The following ARSB variants were observed in gnomAD, a reference collection of about 807,000 sequenced individuals.
ARSB encodes arylsulfatase B, also known as N-acetylgalactosamine-4-sulfatase.
In ARSB, 41 loss-of-function variants were observed where a neutral mutation model predicts 50.9. The observed-to-expected ratio is 0.81, with a 90% CI of 0.63 to 1.04. ARSB has a LOEUF of 1.04. Ranked by LOEUF, ARSB falls within the 50% of genes least tolerant of loss-of-function variation. ARSB has a pLI of 0.00. For synonymous variants in ARSB, 269 were observed against 284.8 expected, an observed-to-expected ratio of 0.94 and a Z score of 0.56; for missense variants, 672 against 693.3, an observed-to-expected ratio of 0.97 and a Z score of 0.35.
At chr5:78,964,721 T>C in intron 2 of ARSB, 115 bp from the exon 3 acceptor site, 2 of 974,314 alleles carry the variant, frequency 2.1e-6, no homozygotes, top group Non-Finnish European at 3.2e-6. Context: ...GCTAATCAAA[T>C]GACAAGGCTA....
chr5:78,885,924 A>G, intron 4 of ARSB, 97 bp from the exon 5 acceptor site: 1 of 1,578,420 alleles, frequency 6.3e-7, no homozygotes, highest in Non-Finnish European at 8.6e-7. Flanking sequence ...ATGGTGCTTA[A>G]ATAATAAAAA....
At chr5:78,815,494 C>T in intron 6 of ARSB, 1 of 961,826 alleles carries the variant, frequency 1.0e-6, no homozygotes, top group African/African-American at 1.8e-5. Context: ...GGCTGTGCCC[C>T]TGTGCAGTTA....
At chr5:78,811,861 C>A (rs1264490782) in intron 6 of ARSB, among the ~76,000 whole-genome samples, 2 of 152,048 alleles carry the variant, frequency 1.3e-5, no homozygotes, top group Non-Finnish European at 2.9e-5. Context: ...AAAGCAGAAA[C>A]TTAATATTGA....
At chr5:78,848,790 T>C (rs189060801) in intron 5 of ARSB, among the ~76,000 whole-genome samples, 2 of 152,208 alleles carry the variant, frequency 1.3e-5, no homozygotes, top group African/African-American at 4.8e-5. Context: ...TATCTCATTG[T>C]GGTTTTGATT....
At chr5:78,880,114 T>C (rs1306697877) in intron 5 of ARSB, among the ~76,000 whole-genome samples, 2 of 152,218 alleles carry the variant, frequency 1.3e-5, no homozygotes, top group South Asian at 2.1e-4. Context: ...CCATAAGAGA[T>C]TGGCCGCTAG....
chr5:78,958,462 A>C (rs1300441517), intron 3 of ARSB, among the ~76,000 whole-genome samples: 1 of 152,228 alleles, frequency 6.6e-6, no homozygotes, highest in African/African-American at 2.4e-5. Flanking sequence ...ATCATTATTA[A>C]AGGTTCTTAT....
At chr5:78,795,280 A>G (rs1380853883) in intron 6 of ARSB, among the ~76,000 whole-genome samples, 4 of 152,134 alleles carry the variant, frequency 2.6e-5, no homozygotes, top group African/African-American at 9.7e-5. Context: ...GAGTCTCCAG[A>G]GGTCCCTCCA....
intron 6 of ARSB, among the ~76,000 whole-genome samples, chr5:78,803,222 T>C (rs764058644): frequency 6.6e-6 from 1 of 152,194 alleles, no homozygotes; most frequent in Non-Finnish European, 1.5e-5. Flanking sequence ...TTCACTTCCA[T>C]GTTGAAGCTG....
chr5:78,984,327 G>A (rs761509494), intron 1 of ARSB, among the ~76,000 whole-genome samples: 15 of 152,148 alleles, frequency 9.9e-5, no homozygotes, highest in Non-Finnish European at 2.1e-4. Context: ...TTCCTAAAGG[G>A]AAGCTTTTAA....
intron 6 of ARSB, among the ~76,000 whole-genome samples, chr5:78,798,334 TTAAG>T (rs1273943440): frequency 2.0e-5 from 3 of 151,928 alleles, no homozygotes; most frequent in Non-Finnish European, 4.4e-5. Context: ...ACACGTTTTT[TTAAG>T]TAATTGGTAG....
intron 2 of ARSB, among the ~76,000 whole-genome samples, chr5:78,968,439 C>T (rs1242333112): frequency 6.6e-6 from 1 of 151,624 alleles, no homozygotes; most frequent in African/African-American, 2.4e-5. Context: ...GCTCCACCTC[C>T]TGGGTTCATG....
intron 4 of ARSB, among the ~76,000 whole-genome samples, chr5:78,911,572 T>TAAAAAAAAAAAAAAAAAA (rs71001137): frequency 1.0e-4 from 7 of 67,866 alleles, no homozygotes; most frequent in Non-Finnish European, 1.5e-4. Context: ...AGACTCCCTC[T>TAAAAAAAAAAAAAAAAAA]AAAAAAAAAA....
chr5:78,851,231 A>C (rs575924345), intron 5 of ARSB, among the ~76,000 whole-genome samples: 13 of 152,148 alleles, frequency 8.5e-5, no homozygotes, highest in African/African-American at 3.1e-4. Flanking sequence ...ACTGCTTTGA[A>C]TGTGTCCCAG....
chr5:78,782,116 T>C, intron 6 of ARSB, 142 bp from the exon 7 acceptor site: 2 of 1,065,740 alleles, frequency 1.9e-6, no homozygotes, highest in Non-Finnish European at 2.8e-6. Context: ...AATGAATCTT[T>C]TATTAAATCC....
At chr5:78,934,801 T>C (rs1750506382) in intron 4 of ARSB, among the ~76,000 whole-genome samples, 1 of 151,680 alleles carries the variant, frequency 6.6e-6, no homozygotes, top group South Asian at 2.1e-4. Context: ...GTCTCCAAAA[T>C]AAAAAATAAA....
chr5:78,972,127 G>C (rs998805650), intron 1 of ARSB, among the ~76,000 whole-genome samples: 1 of 152,176 alleles, frequency 6.6e-6, no homozygotes, highest in African/African-American at 2.4e-5. Context: ...TTAGCCAATG[G>C]GGAGCCCTGG....
chr5:78,815,198 G>A (rs1248569848), intron 6 of ARSB, among the ~76,000 whole-genome samples: 1 of 150,760 alleles, frequency 6.6e-6, no homozygotes, highest in Non-Finnish European at 1.5e-5. Flanking sequence ...CATGGTTGCT[G>A]AATAAGGCAA....
At chr5:78,885,467 T>C in intron 5 of ARSB, 117 bp downstream of exon 5, 2 of 1,444,378 alleles carry the variant, frequency 1.4e-6, no homozygotes. Flanking sequence ...TTCTTAAAAA[T>C]CATGTATTTG....
At chr5:78,921,478 T>G (rs1670246202) in intron 4 of ARSB, among the ~76,000 whole-genome samples, 1 of 152,228 alleles carries the variant, frequency 6.6e-6, no homozygotes. Context: ...CTTTTTATAT[T>G]GATTATAAAC....
Sources: allele counts gnomAD v4.1 joint callset (sites outside exome capture counted in the v4.1 genomes callset), GRCh38; gene constraint gnomAD v4.1.1; transcripts MANE v1.5; gene names NCBI Gene and HGNC (gene_info 2026-07-23, HGNC 2026-07-21).